SHISA6: variants seen among roughly 807,000 people sequenced by gnomAD.
SHISA6 encodes protein shisa-6.
Under a neutral mutation model 47.9 loss-of-function variants are expected in SHISA6, and 22 were observed. The observed-to-expected ratio is 0.46, with a 90% CI of 0.33 to 0.66. The LOEUF (loss-of-function observed/expected upper bound fraction) is 0.66, where lower values mean the gene tolerates loss of function less well. Among genes scored for constraint, SHISA6 ranks in the 30% least tolerant of loss-of-function variants. The pLI is 0.02. For missense variants in SHISA6, 680 were observed against 764.6 expected (o/e 0.89, Z 1.30); for synonymous variants, 388 against 337.8 (o/e 1.15, Z -1.63).
chr17:11,253,826 C>T (rs1004147318), intron 1 of SHISA6, among the ~76,000 whole-genome samples: 1 of 152,122 alleles, frequency 6.6e-6, no homozygotes, highest in Non-Finnish European at 1.5e-5. Flanking sequence ...TCCTTGTGCT[C>T]GCTTTTCTGC....
intron 2 of SHISA6, among the ~76,000 whole-genome samples, chr17:11,364,532 A>G (rs1912383430): frequency 6.6e-6 from 1 of 152,192 alleles, no homozygotes; most frequent in African/African-American, 2.4e-5. Context: ...AATTTTTCAC[A>G]TAAGTATTTC....
intron 2 of SHISA6, among the ~76,000 whole-genome samples, chr17:11,325,831 C>G (rs1794747592): frequency 6.6e-6 from 1 of 152,166 alleles, no homozygotes; most frequent in Admixed American, 6.5e-5. Context: ...CTCAGTCTTT[C>G]CTGCTTTGAA....
intron 3 of SHISA6, among the ~76,000 whole-genome samples, chr17:11,480,292 T>C (rs1427696511): frequency 4.6e-5 from 7 of 152,196 alleles, no homozygotes; most frequent in African/African-American, 1.4e-4. Flanking sequence ...CTTTGTATTA[T>C]TTGTGCTTTC....
intron 3 of SHISA6, among the ~76,000 whole-genome samples, chr17:11,526,915 AT>A (rs2142367896): frequency 5.0e-4 from 12 of 23,780 alleles, no homozygotes; most frequent in African/African-American, 2.2e-3. Flanking sequence ...ATATATATAT[AT>A]ATATATATAT....
intron 1 of SHISA6, among the ~76,000 whole-genome samples, chr17:11,261,722 T>G (rs2142145174): frequency 6.6e-6 from 1 of 152,368 alleles, no homozygotes; most frequent in South Asian, 2.1e-4. Context: ...GATGGACTTT[T>G]GGGTTGTATC....
chr17:11,476,085 G>A (rs956347242), intron 3 of SHISA6, among the ~76,000 whole-genome samples: 10 of 151,936 alleles, frequency 6.6e-5, no homozygotes, highest in African/African-American at 2.4e-4. Context: ...GTTTTTCATA[G>A]TACTTCTTTA....
At chr17:11,430,461 T>C (rs1231060758) in intron 3 of SHISA6, among the ~76,000 whole-genome samples, 1 of 152,160 alleles carries the variant, frequency 6.6e-6, no homozygotes, top group East Asian at 1.9e-4. Flanking sequence ...AAATCCACAA[T>C]GAACATGTTG....
chr17:11,432,665 A>G (rs562332161), intron 3 of SHISA6, among the ~76,000 whole-genome samples: 3 of 152,346 alleles, frequency 2.0e-5, no homozygotes, highest in Admixed American at 6.5e-5. Flanking sequence ...TGATTAATGG[A>G]CAAATAAAAT....
chr17:11,448,389 G>A (rs1915293688), intron 3 of SHISA6, among the ~76,000 whole-genome samples: 1 of 151,348 alleles, frequency 6.6e-6, no homozygotes, highest in Non-Finnish European at 1.5e-5. Flanking sequence ...TTAGCCGGGC[G>A]TGGTGGTGGC....
chr17:11,442,916 C>T (rs1915129380), intron 3 of SHISA6, among the ~76,000 whole-genome samples: 1 of 152,188 alleles, frequency 6.6e-6, no homozygotes, highest in African/African-American at 2.4e-5. Context: ...TGCTCATTAG[C>T]ACTTCCTCCA....
intron 2 of SHISA6, among the ~76,000 whole-genome samples, chr17:11,283,604 T>A (rs1909196852): frequency 1.3e-5 from 2 of 152,262 alleles, no homozygotes; most frequent in Admixed American, 1.3e-4. Flanking sequence ...TGTCAGCAGA[T>A]ACTGCACAAA....
chr17:11,494,608 A>G lies in SHISA6; in HGVS notation c.896-57288A>G, dbSNP rs1336754813. Among the ~76,000 whole-genome samples, 6 of 152,310 alleles carry G rather than the reference A, an allele frequency of 3.9e-5. 1 individual carries two copies. The South Asian group carries it at 1.2e-3, about 32-fold the overall frequency. ...ATAACAGGGAGTTTATCTGGAATAGAGTGAAAACATAACAGAACTGAGGAA... is the reference window on the plus strand; with the variant it reads ...ATAACAGGGAGTTTATCTGGAATAGGGTGAAAACATAACAGAACTGAGGAA... On this transcript the variant is annotated intron_variant, in intron 3 of 5. Coordinates refer to ENST00000441885, the MANE Select transcript of SHISA6 (RefSeq NM_207386.4).
At chr17:11,542,114 C>T (rs1484807108) in intron 3 of SHISA6, among the ~76,000 whole-genome samples, 2 of 152,256 alleles carry the variant, frequency 1.3e-5, no homozygotes, top group East Asian at 1.9e-4. Context: ...CCACCCTCCC[C>T]GCTGATCGGT....
intron 3 of SHISA6, among the ~76,000 whole-genome samples, chr17:11,526,923 ATATATATATATAT>A (rs2071690960): frequency 3.7e-5 from 1 of 27,020 alleles, no homozygotes; most frequent in African/African-American, 1.7e-4. Flanking sequence ...ATATATATAT[ATATATATATATAT>A]TATAATGATC....
chr17:11,369,996 C>T (rs1344802564), intron 2 of SHISA6, among the ~76,000 whole-genome samples: 1 of 152,198 alleles, frequency 6.6e-6, no homozygotes, highest in African/African-American at 2.4e-5. Flanking sequence ...ACCTCCATGA[C>T]CTTGCACTGT....
intron 3 of SHISA6, among the ~76,000 whole-genome samples, chr17:11,538,688 G>A (rs1439578431): frequency 3.3e-5 from 5 of 152,150 alleles, no homozygotes; most frequent in Admixed American, 1.3e-4. Flanking sequence ...GGGGTGGAAC[G>A]AAGGCCCAGA....
chr17:11,255,240 C>T (rs1444456778), intron 1 of SHISA6, among the ~76,000 whole-genome samples: 1 of 152,070 alleles, frequency 6.6e-6, no homozygotes, highest in Admixed American at 6.6e-5. Context: ...GTACCCTGCC[C>T]TTCTGATATT....
rs1014413523 is a variant in SHISA6 at position 11,563,511 on chromosome 17, T to C, written c.*5207T>C. 13 of 152,228 alleles carry C rather than the reference T, an allele frequency of 8.5e-5. No individual in the cohort carries two copies. The highest frequency in any genetic ancestry group is 2.9e-4 in the African/African-American group (12 of 41,458). The allele number at this position is 152,228 out of a possible 1,614,324, so 9.4% of individuals were successfully genotyped here. A position where few individuals can be genotyped will look rare whatever the true frequency, so the allele number is the denominator to read the frequency against. Reference sequence around the variant, plus strand: ...TCAGAGAAATAATGTTGTGGCTGTGTGTTTCCTTAATGCTCTCCCTCCTGA... The same window carrying C: ...TCAGAGAAATAATGTTGTGGCTGTGCGTTTCCTTAATGCTCTCCCTCCTGA... On this transcript the variant is annotated 3_prime_UTR_variant, in exon 6 of 6. Coordinates refer to ENST00000441885, the MANE Select transcript of SHISA6 (RefSeq NM_207386.4).
chr17:11,353,347 C>T (rs1164582200), intron 2 of SHISA6, among the ~76,000 whole-genome samples: 1 of 151,730 alleles, frequency 6.6e-6, no homozygotes, highest in Non-Finnish European at 1.5e-5. Flanking sequence ...GTCCCAGCTA[C>T]TCGGGAGGCT....
Sources: gnomAD v4.1 joint callset for allele counts (sites outside exome capture counted in the v4.1 genomes callset) on GRCh38, gnomAD v4.1.1 for gene constraint, MANE v1.5 for transcripts, NCBI Gene and HGNC (gene_info 2026-07-23, HGNC 2026-07-21) for gene names.